Variants in COPS7B observed in about 807,000 individuals in gnomAD.
The protein encoded by COPS7B is COP9 signalosome complex subunit 7b.
A neutral mutation model predicts 33.4 loss-of-function variants in COPS7B; 9 were observed. The ratio of observed to expected loss-of-function variants is 0.27; its 90% confidence interval spans 0.16 to 0.47. The LOEUF is 0.47. COPS7B is among the 20% of genes least tolerant of loss of function. The pLI, the probability that COPS7B is intolerant of heterozygous loss-of-function variation, is 0.99. For synonymous variants in COPS7B, 119 were observed against 126.3 expected, an observed-to-expected ratio of 0.94 and a Z score of 0.39; for missense variants, 242 against 318.2, an observed-to-expected ratio of 0.76 and a Z score of 1.82.
chr2:231,798,166 C>T (rs997805224), intron 5 of COPS7B, among the ~76,000 whole-genome samples: 1 of 151,868 alleles, frequency 6.6e-6, no homozygotes, highest in Non-Finnish European at 1.5e-5. Context: ...GGATTACAGG[C>T]ATGAGCCACT....
chr2:231,799,991 G>A lies in COPS7B; in HGVS notation c.636+1027G>A, dbSNP rs185533438. Among the ~76,000 whole-genome samples the A allele has an allele frequency of 1.5e-3, 225 of 152,208 alleles. 1 individual carries two copies. Among genetic ancestry groups the A allele is most frequent in the Non-Finnish European group, 2.4e-3 (166 of 68,016 alleles). ...TCAAATGTTGAACTGAATATTTCTG[G>A]CACACCATAAAAGTGTGTCAGTGGA... On this transcript the variant is annotated intron_variant, in intron 6 of 6. Coordinates refer to ENST00000350033, the MANE Select transcript of COPS7B (RefSeq NM_022730.4).
chr2:231,801,143 G>A, intron 6 of COPS7B: 1 of 1,550,416 alleles, frequency 6.4e-7, no homozygotes, highest in Non-Finnish European at 8.7e-7. Context: ...AAATTAGATT[G>A]CTTGTTTTCA....
intron 6 of COPS7B, among the ~76,000 whole-genome samples, chr2:231,804,172 C>T (rs1330863547): frequency 6.6e-6 from 1 of 152,028 alleles, no homozygotes; most frequent in Non-Finnish European, 1.5e-5. Flanking sequence ...TTTCCTTACT[C>T]ATGCAGGGGT....
At chr2:231,782,018 T>TGCAAACCAGGAA, upstream of COPS7B, 1 of 770,340 alleles carries the variant, frequency 1.3e-6, no homozygotes, top group Non-Finnish European at 2.1e-6. Context: ...GTATTCCTGG[T>TGCAAACCAGGAA]TTGCACCGGG....
chr2:231,798,941 A>G lies in COPS7B; in HGVS notation c.613A>G (p.Thr205Ala). The G allele has an allele frequency of 6.2e-7, 1 of 1,614,158 alleles. No individual in the cohort carries two copies. The highest frequency in any genetic ancestry group is 8.5e-7 in the Non-Finnish European group (1 of 1,180,000). The change falls in exon 6 of 7, where the codon ACT becomes GCT. Residue 205 changes from threonine to alanine, a missense_variant. Transcript: ENST00000350033. ...ANQYKENHNR[T>A]QQQVEAEVTN... Reference sequence around the variant, plus strand: ...CCAGTACAAAGAGAACCACAACCGAACTCAGCAGCAGGTAGAAGCAGAGGT... The same window carrying G: ...CCAGTACAAAGAGAACCACAACCGAGCTCAGCAGCAGGTAGAAGCAGAGGT...
At chr2:231,803,677 G>A (rs760309999) in intron 6 of COPS7B, among the ~76,000 whole-genome samples, 1 of 152,152 alleles carries the variant, frequency 6.6e-6, no homozygotes, top group Non-Finnish European at 1.5e-5. Context: ...GTCACCATGA[G>A]AGAGGGAGGC....
At position 231,807,724 on chromosome 2, in the gene COPS7B, C is replaced by A. The variant is rs1472217979; in HGVS notation, c.*79C>A. On this transcript the variant is annotated 3_prime_UTR_variant, in exon 7 of 7. Coordinates refer to ENST00000350033, the MANE Select transcript of COPS7B (RefSeq NM_022730.4). ...ACCAAGGGCCCATTTCCTCCCCTCT[C>A]TACCTGCAGTGAGTTCCAGACCTGC... 5 of 1,343,714 alleles carry A rather than the reference C, an allele frequency of 3.7e-6. No individual in the cohort carries two copies. The Admixed American group carries it at 1.3e-4, about 35-fold the overall frequency. The allele number at this position is 1,343,714 out of a possible 1,614,324, so 83.2% of individuals were successfully genotyped here. A position where few individuals can be genotyped will look rare whatever the true frequency, so the allele number is the denominator to read the frequency against.
chr2:231,783,718 CT>C (rs2049178656), upstream of COPS7B, among the ~76,000 whole-genome samples: 1 of 152,066 alleles, frequency 6.6e-6, no homozygotes, highest in Non-Finnish European at 1.5e-5. Flanking sequence ...TTACTGGTGT[CT>C]TTTGAAACAA....
rs1559383690 is a variant in COPS7B, at chr2:231,808,451, ATGCT to A, written c.*811_*814del. On this transcript the variant is annotated 3_prime_UTR_variant, in exon 7 of 7. Coordinates refer to ENST00000350033, the MANE Select transcript of COPS7B (RefSeq NM_022730.4). Reference sequence around the variant, plus strand: ...AGCTGCCCACTGGAACTGCCGGCTAATGCTTGCTCTCCCAAGATCTTTAACTCCT... The same window carrying A: ...AGCTGCCCACTGGAACTGCCGGCTAATGCTCTCCCAAGATCTTTAACTCCT... The A allele has an allele frequency of 2.1e-6, 1 of 471,588 alleles. No homozygotes were observed. Among genetic ancestry groups the A allele is most frequent in the East Asian group, 7.0e-5 (1 of 14,376 alleles). The allele number at this position is 471,588 out of a possible 1,614,324, so 29.2% of individuals were successfully genotyped here. A position where few individuals can be genotyped will look rare whatever the true frequency, so the allele number is the denominator to read the frequency against.
chr2:231,792,020 T>A (rs1312563048), intron 3 of COPS7B: 2 of 682,576 alleles, frequency 2.9e-6, no homozygotes, highest in African/African-American at 3.5e-5. Flanking sequence ...CTGTGTGTGC[T>A]CATCCACAAA....
chr2:231,796,374 T>G, intron 5 of COPS7B, 66 bp downstream of exon 5: 2 of 1,464,970 alleles, frequency 1.4e-6, no homozygotes, highest in African/African-American at 1.4e-5. Context: ...AAAAATGTGA[T>G]TCCCTGGTGT....
intron 6 of COPS7B, among the ~76,000 whole-genome samples, chr2:231,806,427 C>T (rs917963201): frequency 6.6e-6 from 1 of 151,972 alleles, no homozygotes; most frequent in Non-Finnish European, 1.5e-5. Context: ...GTGGCAAGCG[C>T]CTGTGGTCCA....
chr2:231,782,326 A>G (rs1270394893), upstream of COPS7B, among the ~76,000 whole-genome samples: 1 of 152,216 alleles, frequency 6.6e-6, no homozygotes, highest in Non-Finnish European at 1.5e-5. Context: ...TATTTGGTGG[A>G]TTTCTTGCGA....
intron 6 of COPS7B, among the ~76,000 whole-genome samples, chr2:231,803,305 A>T (rs990415964): frequency 6.6e-6 from 1 of 152,126 alleles, no homozygotes; most frequent in Non-Finnish European, 1.5e-5. Context: ...GTGCATGAAC[A>T]ACAGAAGGGC....
At chr2:231,793,962 G>T in intron 3 of COPS7B, 1 of 339,670 alleles carries the variant, frequency 2.9e-6, no homozygotes, top group Non-Finnish European at 5.5e-6. Context: ...ATGAAGATAT[G>T]TTTAATTTAA....
chr2:231,794,163 C>A, intron 3 of COPS7B, 100 bp from the exon 4 acceptor site: 1 of 781,926 alleles, frequency 1.3e-6, no homozygotes, highest in Non-Finnish European at 2.1e-6. Flanking sequence ...GATAGTGATT[C>A]AGTAGTAGAT....
upstream of COPS7B, among the ~76,000 whole-genome samples, chr2:231,785,358 C>G (rs1433445938): frequency 1.3e-5 from 2 of 152,208 alleles, no homozygotes; most frequent in Admixed American, 1.3e-4. Flanking sequence ...ACCCTGGGGT[C>G]AAACCACTCT....
Position 231,808,798 on chromosome 2 carries a change from GGTGTGTGTGTGTGTGTGTGTGTGTGT to G in COPS7B, c.*1172_*1197del. Reference sequence around the variant, plus strand: ...TGGTTGGAGGGTGGGGGTGGGGTGGGGTGTGTGTGTGTGTGTGTGTGTGTGTGTGTGTGTGTGTGTGTGTTTGTAGG... The same window carrying G: ...TGGTTGGAGGGTGGGGGTGGGGTGGGGTGTGTGTGTGTGTGTGTTTGTAGG... On this transcript the variant is annotated 3_prime_UTR_variant, in exon 7 of 7. Transcript: ENST00000350033. 1 of 75,804 alleles carries G rather than the reference GGTGTGTGTGTGTGTGTGTGTGTGTGT, an allele frequency of 1.3e-5. No individual in the cohort carries two copies. Among genetic ancestry groups the G allele is most frequent in the African/African-American group, 6.0e-5 (1 of 16,754 alleles). The allele number at this position is 75,804 out of a possible 1,614,324, so 4.7% of individuals were successfully genotyped here.
In COPS7B at chr2:231,788,711, G is replaced by A; in HGVS notation, c.141G>A (p.Leu47=). The A allele has an allele frequency of 6.2e-7, 1 of 1,614,046 alleles. No homozygotes were observed. Among genetic ancestry groups the A allele is most frequent in the Non-Finnish European group, 8.5e-7 (1 of 1,180,002 alleles). ...GAGTGTATGTCTTTGGAGAACTTCT[G>A]GAGCTGGCCAACGTGCAGGAGGTAA... ...APGVYVFGEL[L]ELANVQELAE... The change falls in exon 2 of 7, where the codon CTG becomes CTA. Residue 47 remains leucine (L), a synonymous_variant. Transcript: ENST00000350033.
Sources: allele counts gnomAD v4.1 joint callset (sites outside exome capture counted in the v4.1 genomes callset), GRCh38; gene constraint gnomAD v4.1.1; transcripts MANE v1.5; gene names NCBI Gene and HGNC (gene_info 2026-07-23, HGNC 2026-07-21).